DIP2C: variants seen among roughly 807,000 people sequenced by gnomAD.
DIP2C encodes DIP2 acetate--CoA ligase C (putative), also known as disco-interacting protein 2 homolog C.
A neutral mutation model predicts 192.4 loss-of-function variants in DIP2C; 33 were observed. The observed-to-expected ratio is 0.17, with a 90% CI of 0.13 to 0.23. DIP2C has a LOEUF of 0.23. Ranked by LOEUF, DIP2C falls within the 10% of genes least tolerant of loss-of-function variation. The pLI, the probability that DIP2C is intolerant of heterozygous loss-of-function variation, is 1.00. For synonymous variants in DIP2C, 979 were observed against 864.1 expected (o/e 1.13, Z -2.33); for missense variants, 1,537 against 2,110.1 (o/e 0.73, Z 5.32).
In DIP2C at chr10:422,781, GTTT is replaced by G. The variant is rs563979432; in HGVS notation, c.604+40_604+42del. 5.0e-4 allele frequency: 797 copies of G among 1,584,932 alleles called. 17 individuals are homozygous for G. In the South Asian group the frequency reaches 8.5e-3, roughly 17 times the overall value. On this transcript the variant is annotated intron_variant, in intron 5 of 36. Coordinates refer to ENST00000280886, the MANE Select transcript of DIP2C (RefSeq NM_014974.3). ...ACAGAGAATGTGCACACACAAAGGC[GTTT>G]ACACAACAGGCACAGAAAGACACCG...
intron 29 of DIP2C, among the ~76,000 whole-genome samples, chr10:337,314 T>TGC (rs1178223278): frequency 1.6e-5 from 2 of 125,026 alleles, no homozygotes; most frequent in East Asian, 2.6e-4. Flanking sequence ...TGTGTGTGTG[T>TGC]GCACGTGTGT....
intron 3 of DIP2C, among the ~76,000 whole-genome samples, chr10:456,146 A>G (rs867316599): frequency 2.7e-3 from 294 of 109,516 alleles, no homozygotes; most frequent in Non-Finnish European, 4.0e-3. Context: ...AATGAGATGA[A>G]AACACTCTGC....
chr10:376,197 A>G (rs1007513054), intron 17 of DIP2C, among the ~76,000 whole-genome samples: 3 of 152,192 alleles, frequency 2.0e-5, no homozygotes, highest in Non-Finnish European at 4.4e-5. Flanking sequence ...AGCCCTGCCC[A>G]CATGACAAAG....
chr10:413,987 C>T lies in DIP2C; in HGVS notation c.983G>A (p.Gly328Asp). ...GCAGGGCGCCTTGGGCGAGATGGTG[C>T]CCCACCTCTGCAGTGCGGCCTCCAG... The part of the protein sequence containing the change: ...PSLEAALQRW[G>D]TISPKAPCLT... Residue 328 changes from glycine to aspartate, a missense_variant, in exon 8 of 37, where the codon GGC (glycine) becomes GAC (aspartate). Physicochemically the swap from Gly to Asp is moderately conservative, Grantham distance 94. Coordinates refer to ENST00000280886, the MANE Select transcript of DIP2C (RefSeq NM_014974.3). The T allele has an allele frequency of 6.2e-7, 1 of 1,614,184 alleles. No individual in the cohort carries two copies. Among genetic ancestry groups the T allele is most frequent in the Non-Finnish European group, 8.5e-7 (1 of 1,180,028 alleles).
chr10:656,328 C>T (rs1041282319), intron 1 of DIP2C, among the ~76,000 whole-genome samples: 4 of 150,704 alleles, frequency 2.7e-5, no homozygotes, highest in Non-Finnish European at 4.4e-5. Flanking sequence ...GCTACCTTAT[C>T]GAACACTCTA....
chr10:375,088 C>T (rs939623840), intron 17 of DIP2C, among the ~76,000 whole-genome samples: 1 of 152,190 alleles, frequency 6.6e-6, no homozygotes, highest in African/African-American at 2.4e-5. Context: ...CGATGACGTG[C>T]AAAAGGGAAA....
chr10:521,436 T>TG (rs1045372712), intron 1 of DIP2C, among the ~76,000 whole-genome samples: 8 of 152,194 alleles, frequency 5.3e-5, no homozygotes, highest in African/African-American at 1.9e-4. Flanking sequence ...TGCTCATCCC[T>TG]GCCTGCCCCC....
intron 31 of DIP2C, among the ~76,000 whole-genome samples, chr10:326,529 G>T (rs1957278726): frequency 6.6e-6 from 1 of 152,246 alleles, no homozygotes; most frequent in Non-Finnish European, 1.5e-5. Flanking sequence ...ATGCAAGGCT[G>T]TCTTGCTAGA....
At chr10:457,492 T>C (rs1364076443) in intron 3 of DIP2C, among the ~76,000 whole-genome samples, 2 of 152,242 alleles carry the variant, frequency 1.3e-5, no homozygotes, top group African/African-American at 4.8e-5. Flanking sequence ...TATATATTTC[T>C]GCTACATTGA....
chr10:579,361 GTACA>G (rs1396223753), intron 1 of DIP2C, among the ~76,000 whole-genome samples: 3 of 151,598 alleles, frequency 2.0e-5, no homozygotes, highest in African/African-American at 4.9e-5. Context: ...CAAATGTAGT[GTACA>G]AACAAGTTCA....
chr10:551,687 G>A (rs1848596259), intron 1 of DIP2C, among the ~76,000 whole-genome samples: 3 of 152,312 alleles, frequency 2.0e-5, no homozygotes, highest in Non-Finnish European at 4.4e-5. Flanking sequence ...CCCTAGCCCT[G>A]GCTTGGGAAG....
intron 1 of DIP2C, among the ~76,000 whole-genome samples, chr10:521,226 T>G (rs1398378670): frequency 6.6e-6 from 1 of 152,154 alleles, no homozygotes; most frequent in African/African-American, 2.4e-5. Context: ...CAACCAGAAA[T>G]GCTGCAGGCA....
intron 26 of DIP2C, among the ~76,000 whole-genome samples, chr10:347,401 C>T (rs1172294841): frequency 6.6e-6 from 1 of 150,454 alleles, no homozygotes; most frequent in Non-Finnish European, 1.5e-5. Flanking sequence ...GTCACACGCA[C>T]CCGGACACAT....
chr10:408,342 A>T (rs1441834286), intron 9 of DIP2C, among the ~76,000 whole-genome samples: 1 of 152,172 alleles, frequency 6.6e-6, no homozygotes, highest in Non-Finnish European at 1.5e-5. Context: ...TGATTATTAT[A>T]AGCTTTGTAG....
chr10:529,508 C>T (rs1847248761), intron 1 of DIP2C, among the ~76,000 whole-genome samples: 1 of 152,174 alleles, frequency 6.6e-6, no homozygotes, highest in Non-Finnish European at 1.5e-5. Context: ...ACCTATTTTA[C>T]TGTTGCTTAG....
At chr10:578,470 C>T (rs918681628) in intron 1 of DIP2C, among the ~76,000 whole-genome samples, 1 of 152,308 alleles carries the variant, frequency 6.6e-6, no homozygotes, top group South Asian at 2.1e-4. Flanking sequence ...TCGTTTCTCT[C>T]ATCTGGGGAT....
chr10:433,248 T>C (rs1966907822), intron 4 of DIP2C, among the ~76,000 whole-genome samples: 1 of 152,262 alleles, frequency 6.6e-6, no homozygotes, highest in Admixed American at 6.5e-5. Context: ...CAGTTTTTGC[T>C]TTGGCATTTT....
rs986959800 is a variant in DIP2C at position 363,439 on chromosome 10, C to T, written c.2478-128G>A. 6 of 752,322 alleles carry T rather than the reference C, an allele frequency of 8.0e-6. No individual in the cohort carries two copies. The highest frequency in any genetic ancestry group is 1.3e-5 in the Non-Finnish European group (6 of 457,240). The allele number at this position is 752,322 out of a possible 1,614,324, so 46.6% of individuals were successfully genotyped here. ...TCCAACTACGACTTCAAAACGGCCG[C>T]TGTACTTCCGAATTTCCCCACACTC... On this transcript the variant is annotated intron_variant, in intron 20 of 36. Transcript: ENST00000280886. This position sits in a 1 kb window ranked among gnomAD's most constrained non-coding sequence, Gnocchi z 5.4.
At chr10:372,673 GA>G (rs1226447441) in intron 17 of DIP2C, among the ~76,000 whole-genome samples, 4 of 149,596 alleles carry the variant, frequency 2.7e-5, no homozygotes, top group African/African-American at 1.0e-4. Context: ...GCCAGGCACA[GA>G]AGCGCAGGAG....
Sources: gnomAD v4.1 joint callset for allele counts (sites outside exome capture counted in the v4.1 genomes callset) on GRCh38, gnomAD v4.1.1 for gene constraint, Gnocchi (gnomAD v3.1) non-coding constraint, MANE v1.5 for transcripts, NCBI Gene and HGNC (gene_info 2026-07-23, HGNC 2026-07-21) for gene names.